Variants in ADGRA2 observed in about 807,000 individuals in gnomAD.
ADGRA2 encodes the protein G-protein coupled receptor 124.
Under a neutral mutation model 98.7 loss-of-function variants are expected in ADGRA2, and 61 were observed. The ratio of observed to expected loss-of-function variants is 0.62; its 90% confidence interval spans 0.50 to 0.76. The LOEUF (loss-of-function observed/expected upper bound fraction) is 0.76, where lower values mean the gene tolerates loss of function less well. Ranked by LOEUF, ADGRA2 falls within the 30% of genes least tolerant of loss-of-function variation. The pLI is 0.00. For synonymous variants in ADGRA2, 858 were observed against 831.5 expected (o/e 1.03, Z -0.55); for missense variants, 1,712 against 1,860.0 (o/e 0.92, Z 1.46).
At chr8:37,804,127 A>ACACACACACACACACACACACACC (rs1804588357) in intron 1 of ADGRA2, among the ~76,000 whole-genome samples, 1 of 149,100 alleles carries the variant, frequency 6.7e-6, no homozygotes, top group African/African-American at 2.4e-5. Flanking sequence ...ACACACACAC[A>ACACACACACACACACACACACACC]CACACACACA....
At chr8:37,816,907 CTG>C (rs1804995804) in intron 2 of ADGRA2, among the ~76,000 whole-genome samples, 1 of 145,190 alleles carries the variant, frequency 6.9e-6, no homozygotes, top group Non-Finnish European at 1.5e-5. Flanking sequence ...CAGAGCAAGA[CTG>C]TCTCAAAAAG....
chr8:37,841,202 C>T lies in ADGRA2; in HGVS notation c.2864C>T (p.Ala955Val), dbSNP rs1563354779. The change falls in exon 19 of 19, where the codon GCA becomes GTA. Residue 955 changes from alanine to valine, a missense_variant. Transcript: ENST00000412232. The surrounding 1 kb of genome is among the most constrained non-coding windows in gnomAD (Gnocchi z 5.0). ...CAGLRLRGPLAQNPKAGNSRA... is the reference protein window; with the variant it reads ...CAGLRLRGPLVQNPKAGNSRA... ...GGGCTACGCTTACGGGGTCCTCTGG[C>T]ACAGAACCCCAAGGCGGGCAACAGC... 6.2e-7 allele frequency: 1 copy of T among 1,613,534 alleles called. No individual in the cohort carries two copies. Among genetic ancestry groups the T allele is most frequent in the Non-Finnish European group, 8.5e-7 (1 of 1,180,028 alleles).
chr8:37,839,612 TCTGC>T lies in ADGRA2; in HGVS notation c.2503_2506del (p.Cys835ArgfsTer20). 1 of 1,613,974 alleles carries T rather than the reference TCTGC, an allele frequency of 6.2e-7. No homozygotes were observed. Among genetic ancestry groups the T allele is most frequent in the Non-Finnish European group, 8.5e-7 (1 of 1,179,944 alleles). On this transcript the variant is annotated frameshift_variant, in exon 16 of 19. Transcript: ENST00000412232. LOFTEE classifies it high-confidence loss of function. ...ATCACACTCACCAACTACCAGATGG[TCTGC>T]CAGGCGGTAAGCAGGAGAAGGGGCT...
intron 2 of ADGRA2, among the ~76,000 whole-genome samples, chr8:37,824,243 C>T (rs767903448): frequency 6.6e-6 from 1 of 152,088 alleles, no homozygotes; most frequent in East Asian, 1.9e-4. Flanking sequence ...GTTAGTCAGG[C>T]TGGTCTCGAA....
chr8:37,841,463 A>G lies in ADGRA2; in HGVS notation c.3125A>G (p.Gln1042Arg). The G allele has an allele frequency of 6.2e-7, 1 of 1,613,014 alleles. No homozygotes were observed. Among genetic ancestry groups the G allele is most frequent in the Non-Finnish European group, 8.5e-7 (1 of 1,179,838 alleles). ...GCCTGCGGGGCTCTGGCAGTGTCCC[A>G]GCGCTGGCTGCCCCGGGTGGTGTGC... ...MWACGALAVS[Q>R]RWLPRVVCSC... Residue 1042 changes from glutamine (Q) to arginine (R), a missense_variant, in exon 19 of 19, where the codon CAG becomes CGG. Coordinates refer to ENST00000412232, the MANE Select transcript of ADGRA2 (RefSeq NM_032777.10). This position sits in a 1 kb window ranked among gnomAD's most constrained non-coding sequence, Gnocchi z 5.0.
intron 1 of ADGRA2, among the ~76,000 whole-genome samples, chr8:37,808,387 C>T (rs374171564): frequency 6.6e-6 from 1 of 152,108 alleles, no homozygotes; most frequent in African/African-American, 2.4e-5. Context: ...GTTGAGGAGG[C>T]GTCTGTCTTG....
Position 37,797,626 on chromosome 8 carries a change from A to T in ADGRA2, c.266+92A>T. Reference sequence around the variant, plus strand: ...GGGTGGGAGCAGGGGGAAGGGGGCTATCCCCCCACTTCAGAGATTTCTGGA... The same window carrying T: ...GGGTGGGAGCAGGGGGAAGGGGGCTTTCCCCCCACTTCAGAGATTTCTGGA... On this transcript the variant is annotated intron_variant, in intron 1 of 18. Coordinates refer to ENST00000412232, the MANE Select transcript of ADGRA2 (RefSeq NM_032777.10). This position sits in a 1 kb window ranked among gnomAD's most constrained non-coding sequence, Gnocchi z 5.3. 1 of 1,127,180 alleles carries T rather than the reference A, an allele frequency of 8.9e-7. No individual in the cohort carries two copies. The highest frequency in any genetic ancestry group is 1.1e-6 in the Non-Finnish European group (1 of 870,696). 69.8% of individuals were successfully genotyped at this position (1,127,180 alleles called of 1,614,324 possible). A position where few individuals can be genotyped will look rare whatever the true frequency, so the allele number is the denominator to read the frequency against.
Position 37,842,292 on chromosome 8 carries a change from C to G in ADGRA2, c.3954C>G (p.Gly1318=). Residue 1318 remains glycine, a synonymous_variant, in exon 19 of 19, where the codon GGC becomes GGG. Transcript: ENST00000412232. ...GGKYDDVTLM[G]AEVASGGCMK... ...AGTACGACGACGTCACCCTGATGGG[C>G]GCGGAGGTAGCCAGCGGCGGCTGCA... The G allele has an allele frequency of 6.4e-7, 1 of 1,563,600 alleles. No individual in the cohort carries two copies. The highest frequency in any genetic ancestry group is 1.4e-5 in the African/African-American group (1 of 71,898).
intron 1 of ADGRA2, among the ~76,000 whole-genome samples, chr8:37,799,927 A>C (rs987476383): frequency 6.6e-6 from 1 of 152,124 alleles, no homozygotes; most frequent in Non-Finnish European, 1.5e-5. Flanking sequence ...GCACCCCCCA[A>C]TCCCCACCAG....
intron 3 of ADGRA2, 82 bp from the exon 4 acceptor site, chr8:37,829,179 T>A: frequency 2.0e-5 from 20 of 1,023,176 alleles, no homozygotes; most frequent in Non-Finnish European, 2.5e-5. Flanking sequence ...ACACAAGCCC[T>A]GGCCCCACCC....
chr8:37,833,896 GC>G, intron 10 of ADGRA2, 59 bp downstream of exon 10: 2 of 1,607,632 alleles, frequency 1.2e-6, no homozygotes, highest in South Asian at 2.2e-5. Context: ...ATTTGCTCAA[GC>G]CTCTCTCTCA....
At chr8:37,800,074 T>C (rs907840299) in intron 1 of ADGRA2, among the ~76,000 whole-genome samples, 1 of 152,148 alleles carries the variant, frequency 6.6e-6, no homozygotes, top group Non-Finnish European at 1.5e-5. Flanking sequence ...CAGGAGAAAG[T>C]CTGTGTAGGG....
rs1226132385 is a variant in ADGRA2 at position 37,831,600 on chromosome 8, C to T, written c.1097+13C>T. 7 of 1,612,466 alleles carry T rather than the reference C, an allele frequency of 4.3e-6. No homozygotes were observed. Among genetic ancestry groups the T allele is most frequent in the Non-Finnish European group, 2.5e-6 (3 of 1,179,314 alleles). On this transcript the variant is annotated intron_variant, in intron 8 of 18. Transcript: ENST00000412232. Reference sequence around the variant, plus strand: ...GCGGGGACTTCAGGTTTGGCCCACTCCACCCTGTAGAGGGCTGCCCAGCCC... The same window carrying T: ...GCGGGGACTTCAGGTTTGGCCCACTTCACCCTGTAGAGGGCTGCCCAGCCC...
chr8:37,835,646 C>T lies in ADGRA2; in HGVS notation c.1926C>T (p.Thr642=). Reference sequence around the variant, plus strand: ...CTCCCCCGGTGCCCCCAGACTGCACCCTGCAACTGCTCGTCTTCCGAAATG... The same window carrying T: ...CTCCCCCGGTGCCCCCAGACTGCACTCTGCAACTGCTCGTCTTCCGAAATG... ...ALAPPVPPDC[T]LQLLVFRNGR... Residue 642 remains threonine (T), a synonymous_variant, in exon 13 of 19, where the codon ACC becomes ACT. Coordinates refer to ENST00000412232, the MANE Select transcript of ADGRA2 (RefSeq NM_032777.10). The T allele has an allele frequency of 6.2e-7, 1 of 1,613,644 alleles. No individual in the cohort carries two copies. Among genetic ancestry groups the T allele is most frequent in the Non-Finnish European group, 8.5e-7 (1 of 1,179,656 alleles).
At chr8:37,813,492 A>C (rs1222794701) in intron 1 of ADGRA2, among the ~76,000 whole-genome samples, 1 of 152,078 alleles carries the variant, frequency 6.6e-6, no homozygotes, top group Non-Finnish European at 1.5e-5. Context: ...TTTTTGACAT[A>C]TCAACATTGT....
Position 37,829,949 on chromosome 8 carries a change from G to C in ADGRA2, c.653G>C (p.Cys218Ser). 1 of 1,610,546 alleles carries C rather than the reference G, an allele frequency of 6.2e-7. No homozygotes were observed. The highest frequency in any genetic ancestry group is 1.3e-5 in the African/African-American group (1 of 74,990). Residue 218 changes from cysteine (C) to serine (S), a missense_variant, in exon 6 of 19, where the codon TGT becomes TCT. Physicochemically the swap from Cys to Ser is moderately radical, Grantham distance 112. Coordinates refer to ENST00000412232, the MANE Select transcript of ADGRA2 (RefSeq NM_032777.10). ...CTGCAGCTGTCGGAACACACGCTCTGTGCTTACCCCAGTGCCCTGCATGCT... is the reference window on the plus strand; with the variant it reads ...CTGCAGCTGTCGGAACACACGCTCTCTGCTTACCCCAGTGCCCTGCATGCT... Reference protein sequence around the residue: ...RSLQLSEHTLCAYPSALHAQA... With the variant: ...RSLQLSEHTLSAYPSALHAQA...
At position 37,829,908 on chromosome 8, in the gene ADGRA2, G is replaced by A; in HGVS notation, c.612G>A (p.Trp204Ter). 6.2e-7 allele frequency: 1 copy of A among 1,612,804 alleles called. No homozygotes were observed. The highest frequency in any genetic ancestry group is 8.5e-7 in the Non-Finnish European group (1 of 1,179,906). ...CDCHLRWLLP[W>*]AQNRSLQLSE... is the part of the protein sequence containing the mutation. ...GCCACCTGCGCTGGCTGCTGCCCTG[G>A]GCCCAGAATCGCTCCCTGCAGCTGT... The change falls in exon 6 of 19, where the codon TGG becomes TGA. Residue 204 changes from tryptophan (W) to a stop codon, truncating the protein, a stop_gained. Transcript: ENST00000412232. LOFTEE classifies it high-confidence loss of function.
At chr8:37,838,002 G>T (rs962280681) in intron 14 of ADGRA2, 63 bp downstream of exon 14, 7 of 1,290,674 alleles carry the variant, frequency 5.4e-6, no homozygotes, top group Non-Finnish European at 7.3e-6. Flanking sequence ...GAAAATGGGG[G>T]TGGGTGTACT....
chr8:37,809,259 G>A (rs977038919), intron 1 of ADGRA2, among the ~76,000 whole-genome samples: 1 of 150,602 alleles, frequency 6.6e-6, no homozygotes, highest in East Asian at 2.0e-4. Flanking sequence ...TCATGCCACT[G>A]TACTCCAGCC....
Sources: gnomAD v4.1 joint callset for allele counts (sites outside exome capture counted in the v4.1 genomes callset) on GRCh38, gnomAD v4.1.1 for gene constraint, Gnocchi (gnomAD v3.1) non-coding constraint, MANE v1.5 for transcripts, NCBI Gene and HGNC (gene_info 2026-07-23, HGNC 2026-07-21) for gene names.